TIPRL: variants seen among roughly 807,000 people sequenced by gnomAD.
TIPRL encodes the protein TOR signaling pathway regulator.
A neutral mutation model predicts 32.3 loss-of-function variants in TIPRL; 10 were observed. That is an observed-to-expected ratio of 0.31 (90% CI 0.19 to 0.52). The LOEUF (loss-of-function observed/expected upper bound fraction) is 0.52, where lower values mean the gene tolerates loss of function less well. Ranked by LOEUF, TIPRL falls within the 20% of genes least tolerant of loss-of-function variation. The probability of loss-of-function intolerance (pLI) is 0.96; values close to 1 mark genes in which losing one functional copy is unlikely to be tolerated. For missense variants in TIPRL, 250 were observed against 328.1 expected (o/e 0.76, Z 1.84); for synonymous variants, 100 against 114.0 (o/e 0.88, Z 0.78).
chr1:168,187,366 T>A (rs931393085), intron 3 of TIPRL, among the ~76,000 whole-genome samples: 1 of 152,200 alleles, frequency 6.6e-6, no homozygotes, highest in South Asian at 2.1e-4. Flanking sequence ...GAAGCAGCAT[T>A]AGGTGTGACC....
At chr1:168,193,095 G>A (rs1453849148) in intron 4 of TIPRL, among the ~76,000 whole-genome samples, 1 of 152,182 alleles carries the variant, frequency 6.6e-6, no homozygotes, top group South Asian at 2.1e-4. Context: ...GGCAGAAGCA[G>A]GAGGATTGCT....
chr1:168,186,356 C>A (rs907246030), intron 3 of TIPRL, among the ~76,000 whole-genome samples: 4 of 151,846 alleles, frequency 2.6e-5, no homozygotes, highest in East Asian at 1.9e-4. Context: ...ATTAGCCAGG[C>A]CTGGTGGCGT....
chr1:168,194,518 C>T (rs1048240301), intron 4 of TIPRL, among the ~76,000 whole-genome samples: 1 of 152,184 alleles, frequency 6.6e-6, no homozygotes, highest in Non-Finnish European at 1.5e-5. Flanking sequence ...CTGTTGGTAA[C>T]TAATTTTGAA....
intron 4 of TIPRL, among the ~76,000 whole-genome samples, chr1:168,195,536 T>C (rs1220888958): frequency 6.6e-6 from 1 of 152,148 alleles, no homozygotes; most frequent in Non-Finnish European, 1.5e-5. Flanking sequence ...TAGTAGACAA[T>C]AGGTATTTAT....
Position 168,201,058 on chromosome 1 carries a change from T to C in TIPRL, c.*1012T>C, listed in dbSNP as rs1351542738. 1 of 152,140 alleles carries C rather than the reference T, an allele frequency of 6.6e-6. No individual in the cohort carries two copies. The highest frequency in any genetic ancestry group is 1.5e-5 in the Non-Finnish European group (1 of 67,996). 9.4% of individuals were successfully genotyped at this position (152,140 alleles called of 1,614,324 possible). A position where few individuals can be genotyped will look rare whatever the true frequency, so the allele number is the denominator to read the frequency against. On this transcript the variant is annotated 3_prime_UTR_variant, in exon 7 of 7. Transcript: ENST00000367833. ...AAAATGTAATTAATTAGCACAAGAC[T>C]TAGGGAGTACAGAAAATACACAGAA... is the stretch of plus-strand genomic sequence containing the variant.
chr1:168,179,412 TAG>T (rs1699933442), intron 1 of TIPRL, among the ~76,000 whole-genome samples: 1 of 152,086 alleles, frequency 6.6e-6, no homozygotes. Flanking sequence ...TGGGTTTGAG[TAG>T]AGTGTGACTG....
At position 168,191,560 on chromosome 1, in the gene TIPRL, A is replaced by G. The variant is rs543482598; in HGVS notation, c.516+60A>G. ...CTTGCATTCTTAACATCAGACAAAA[A>G]TATGACTCACTTTGAATAACACTGA... On this transcript the variant is annotated intron_variant, in intron 4 of 6. Transcript: ENST00000367833. The G allele has an allele frequency of 3.6e-4, 486 of 1,338,500 alleles. 3 individuals are homozygous for G. The African/African-American group carries it at 7.0e-3, about 19-fold the overall frequency. The allele number at this position is 1,338,500 out of a possible 1,614,324, so 82.9% of individuals were successfully genotyped here. A position where few individuals can be genotyped will look rare whatever the true frequency, so the allele number is the denominator to read the frequency against.
At chr1:168,191,858 C>CGAAAAAAA (rs1558164787) in intron 4 of TIPRL, among the ~76,000 whole-genome samples, 1 of 38,898 alleles carries the variant, frequency 2.6e-5, no homozygotes, top group Non-Finnish European at 5.6e-5. Context: ...GGCGACAGAG[C>CGAAAAAAA]AAAAAAAAAA....
At chr1:168,192,376 TAAAAG>T (rs1700110095) in intron 4 of TIPRL, 4 of 1,006,282 alleles carry the variant, frequency 4.0e-6, no homozygotes, top group Non-Finnish European at 4.8e-6. Flanking sequence ...TAAAATAAAA[TAAAAG>T]AAGTAGAAAA....
intron 1 of TIPRL, among the ~76,000 whole-genome samples, chr1:168,179,800 A>G (rs999433437): frequency 2.0e-5 from 3 of 152,130 alleles, no homozygotes; most frequent in African/African-American, 7.2e-5. Context: ...CAGGTCAGGC[A>G]GAGTGAGTTG....
intron 3 of TIPRL, among the ~76,000 whole-genome samples, chr1:168,190,978 T>C (rs1700088922): frequency 6.6e-6 from 1 of 152,230 alleles, no homozygotes; most frequent in East Asian, 1.9e-4. Context: ...TTAAGTTCCA[T>C]ATGAATGTCC....
rs1700199857 is a variant in TIPRL, at chr1:168,200,621, TTTAGAC to T, written c.*580_*585del. The T allele has an allele frequency of 6.6e-6, 1 of 151,808 alleles. No homozygotes were observed. Among genetic ancestry groups the T allele is most frequent in the Non-Finnish European group, 1.5e-5 (1 of 67,972 alleles). The allele number at this position is 151,808 out of a possible 1,614,324, so 9.4% of individuals were successfully genotyped here. ...GCCTTTGAAATTTAAAAAAAAAAAA[TTTAGAC>T]TTAGTACCAGAACCAAAAATACCTA... On this transcript the variant is annotated 3_prime_UTR_variant, in exon 7 of 7. Transcript: ENST00000367833.
chr1:168,198,265 G>A (rs1274340948), intron 5 of TIPRL, among the ~76,000 whole-genome samples: 1 of 151,962 alleles, frequency 6.6e-6, no homozygotes, highest in Non-Finnish European at 1.5e-5. Context: ...TTTTCCTACA[G>A]TGACTATTAA....
intron 1 of TIPRL, among the ~76,000 whole-genome samples, chr1:168,182,289 G>A (rs1296054100): frequency 6.6e-6 from 1 of 152,014 alleles, no homozygotes; most frequent in African/African-American, 2.4e-5. Context: ...CTTGTAACTA[G>A]TTATACCTGT....
chr1:168,192,757 G>T (rs1053360024), intron 4 of TIPRL, among the ~76,000 whole-genome samples: 5 of 152,118 alleles, frequency 3.3e-5, no homozygotes, highest in African/African-American at 1.2e-4. Context: ...GCAGTGGCGG[G>T]CGCCTGTAGT....
rs764532151 is a variant in TIPRL, at chr1:168,196,550, G to A, written c.520G>A (p.Val174Ile). 7.3e-5 allele frequency: 113 copies of A among 1,555,474 alleles called. No homozygotes were observed. In the East Asian group the frequency reaches 2.6e-3, roughly 35 times the overall value. Reference protein sequence around the residue: ...GVSSLSVKIRVMPSSFFLLLR... With the variant: ...GVSSLSVKIRIMPSSFFLLLR... ...GTACCTTTTTTTTTTTTTCCAGAGA[G>A]TAATGCCTTCTAGCTTTTTCCTGCT... Residue 174 changes from valine (V) to isoleucine (I), a missense_variant, in exon 5 of 7, where the codon GTA becomes ATA. Coordinates refer to ENST00000367833, the MANE Select transcript of TIPRL (RefSeq NM_152902.5).
intron 1 of TIPRL, among the ~76,000 whole-genome samples, chr1:168,183,461 C>T (rs866907705): frequency 1.1e-4 from 17 of 149,246 alleles, no homozygotes; most frequent in African/African-American, 4.2e-4. Context: ...TAGGCAAGTG[C>T]TGAGTTCCCT....
chr1:168,199,808 A>G, intron 6 of TIPRL, 95 bp from the exon 7 acceptor site: 1 of 1,354,910 alleles, frequency 7.4e-7, no homozygotes, highest in South Asian at 1.5e-5. Context: ...CCTGATTTTA[A>G]AATTTCCATG....
intron 3 of TIPRL, among the ~76,000 whole-genome samples, chr1:168,185,999 C>T (rs1349440258): frequency 5.1e-5 from 7 of 137,398 alleles, no homozygotes; most frequent in African/African-American, 1.1e-4. Flanking sequence ...TGCTTGAACC[C>T]GGGAGGCAGA....
Sources: allele counts gnomAD v4.1 joint callset (sites outside exome capture counted in the v4.1 genomes callset), GRCh38; gene constraint gnomAD v4.1.1; transcripts MANE v1.5; gene names NCBI Gene and HGNC (gene_info 2026-07-23, HGNC 2026-07-21).